Variants in DCAF8L2 observed in about 807,000 individuals in gnomAD.
DCAF8L2 encodes the protein DDB1 and CUL4 associated factor 8 like 2, also known as DDB1- and CUL4-associated factor 8-like protein 2.
For missense variants in DCAF8L2, 430 were observed against 490.7 expected, an observed-to-expected ratio of 0.88 and a Z score of 1.17; for synonymous variants, 200 against 190.9, an observed-to-expected ratio of 1.05 and a Z score of -0.39.
At chrX:27,595,383 G>A (rs140629239) in intron 1 of DCAF8L2, among the ~76,000 whole-genome samples, 1 of 110,990 alleles carries the variant, frequency 9.0e-6, no homozygotes, top group East Asian at 2.8e-4. Flanking sequence ...CTCAGTTAAT[G>A]GTAATTCCAT....
the DCAF8L2 span, among the ~76,000 whole-genome samples, chrX:27,521,680 G>GA: frequency 1.8e-5 from 2 of 111,416 alleles, no homozygotes; most frequent in South Asian, 7.4e-4. Flanking sequence ...ACAATTGTAG[G>GA]AAATGAAAAA....
At chrX:27,667,541 G>C (rs1377754454) in intron 2 of DCAF8L2, among the ~76,000 whole-genome samples, 3 of 111,576 alleles carry the variant, frequency 2.7e-5, no homozygotes, top group Non-Finnish European at 3.8e-5. Context: ...TAGCTTATAT[G>C]TAACTGTGAG....
chrX:27,549,076 A>T, the DCAF8L2 span, among the ~76,000 whole-genome samples: 2 of 112,276 alleles, frequency 1.8e-5, no homozygotes, highest in Non-Finnish European at 3.8e-5. Context: ...GTAACTGTAG[A>T]AGTAGTTCTA....
At chrX:27,630,174 TA>T (rs1460720881) in intron 1 of DCAF8L2, among the ~76,000 whole-genome samples, 1 of 111,982 alleles carries the variant, frequency 8.9e-6, no homozygotes, top group East Asian at 2.8e-4. Context: ...TTACTGAATT[TA>T]AAAACTAGTT....
At chrX:27,744,731 A>G (rs754747197) in intron 4 of DCAF8L2, among the ~76,000 whole-genome samples, 1 of 111,393 alleles carries the variant, frequency 9.0e-6, no homozygotes, top group African/African-American at 3.3e-5. Flanking sequence ...CCAGGTAATG[A>G]GTAATTTCTC....
chrX:27,583,708 T>C, the DCAF8L2 span, among the ~76,000 whole-genome samples: 2 of 111,064 alleles, frequency 1.8e-5, no homozygotes, highest in Admixed American at 1.9e-4. Context: ...ACAAACCCTA[T>C]TGTGAACTGT....
chrX:27,659,072 G>A (rs976947190), intron 2 of DCAF8L2, among the ~76,000 whole-genome samples: 1 of 111,378 alleles, frequency 9.0e-6, no homozygotes, highest in Non-Finnish European at 1.9e-5. Flanking sequence ...GTACCCCTGA[G>A]AGGCCCTCTT....
Position 27,748,915 on chromosome X carries a change from T to G in DCAF8L2, c.*124T>G. ...TTTTTGTCTTCTATTTTCCATAATA[T>G]ATGCTGAAAACCGTCTCTTCCATTC... On this transcript the variant is annotated 3_prime_UTR_variant, in exon 5 of 5. Transcript: ENST00000451261. 1.2e-6 allele frequency: 1 copy of G among 855,930 alleles called. No homozygotes were observed. The highest frequency in any genetic ancestry group is 2.0e-5 in the African/African-American group (1 of 49,417). 70.5% of individuals were successfully genotyped at this position (855,930 alleles called of 1,213,427 possible).
At chrX:27,565,197 A>G in the DCAF8L2 span, among the ~76,000 whole-genome samples, 1 of 110,626 alleles carries the variant, frequency 9.0e-6, no homozygotes, top group Non-Finnish European at 1.9e-5. Context: ...TATTTCATAT[A>G]TGGCTTTTAT....
the DCAF8L2 span, among the ~76,000 whole-genome samples, chrX:27,548,465 T>C: frequency 2.6e-4 from 29 of 111,646 alleles, no homozygotes; most frequent in Non-Finnish European, 4.5e-4. Context: ...AGCTATACTA[T>C]TGTCAATCTA....
At chrX:27,531,520 C>T in the DCAF8L2 span, among the ~76,000 whole-genome samples, 6 of 110,725 alleles carry the variant, frequency 5.4e-5, no homozygotes, top group African/African-American at 1.7e-4. Flanking sequence ...TTTACTACAC[C>T]AACAATAAAA....
At chrX:27,616,497 C>A (rs1375721138) in intron 1 of DCAF8L2, among the ~76,000 whole-genome samples, 2 of 111,042 alleles carry the variant, frequency 1.8e-5, no homozygotes, top group Admixed American at 9.7e-5. Context: ...CAGTTATATT[C>A]AAAAAAGAGC....
chrX:27,705,381 A>G (rs770217915), intron 3 of DCAF8L2, among the ~76,000 whole-genome samples: 43 of 111,833 alleles, frequency 3.8e-4, no homozygotes, highest in Non-Finnish European at 6.4e-4. Flanking sequence ...TGTTTTCCAA[A>G]GTGACTGGAC....
At chrX:27,744,181 T>C (rs772885935) in intron 4 of DCAF8L2, among the ~76,000 whole-genome samples, 28 of 111,784 alleles carry the variant, frequency 2.5e-4, no homozygotes, top group Non-Finnish European at 4.5e-4. Context: ...CTTTAGACTG[T>C]ACACGCAGCA....
the DCAF8L2 span, among the ~76,000 whole-genome samples, chrX:27,556,010 A>G: frequency 5.2e-4 from 58 of 110,995 alleles, no homozygotes; most frequent in Non-Finnish European, 9.8e-4. Flanking sequence ...TTGATCAGTG[A>G]CTATTGACCA....
At position 27,663,864 on chromosome X, in the gene DCAF8L2, ATT is replaced by A. The variant is rs80069253; in HGVS notation, c.-219-13949_-219-13948del. On this transcript the variant is annotated intron_variant, in intron 2 of 4. Transcript: ENST00000451261. ...AGGTGTGTGCCACCACACCTGGCTA[ATT>A]TTTTTTTTTTTTTTTTTTTTTTAAG... Among the ~76,000 whole-genome samples the A allele has an allele frequency of 6.1e-3, 421 of 68,982 alleles. 3 individuals are homozygous for A. The highest frequency in any genetic ancestry group is 0.034 in the Middle Eastern group (4 of 117). 59.9% of individuals were successfully genotyped at this position (68,982 alleles called of 115,157 possible).
chrX:27,576,389 A>G, the DCAF8L2 span, among the ~76,000 whole-genome samples: 2 of 112,011 alleles, frequency 1.8e-5, no homozygotes, highest in Non-Finnish European at 3.8e-5. Flanking sequence ...TAGATTGGAA[A>G]TAACATTTTT....
At chrX:27,482,582 C>T in the DCAF8L2 span, among the ~76,000 whole-genome samples, 1 of 111,817 alleles carries the variant, frequency 8.9e-6, no homozygotes, top group Admixed American at 9.5e-5. Context: ...ACAACTTCCA[C>T]AATACCAGAA....
the DCAF8L2 span, among the ~76,000 whole-genome samples, chrX:27,536,617 C>T: frequency 9.4e-6 from 1 of 105,948 alleles, no homozygotes; most frequent in African/African-American, 3.3e-5. Flanking sequence ...GTGAGTAGAA[C>T]AGAATTGACT....
Sources: allele counts gnomAD v4.1 joint callset (sites outside exome capture counted in the v4.1 genomes callset), GRCh38; gene constraint gnomAD v4.1.1; transcripts MANE v1.5; gene names NCBI Gene and HGNC (gene_info 2026-07-23, HGNC 2026-07-21).